The following GALNT13 variants were observed in gnomAD, a reference collection of about 807,000 sequenced individuals.
GALNT13 encodes UDP-GalNAc:polypeptide N-acetylgalactosaminyltransferase 13.
In GALNT13, 28 loss-of-function variants were observed where a neutral mutation model predicts 64.2. The observed-to-expected ratio is 0.44, with a 90% confidence interval of 0.32 to 0.60. The LOEUF (loss-of-function observed/expected upper bound fraction) is 0.60. Among genes scored for constraint, GALNT13 ranks in the 20% least tolerant of loss-of-function variants. The probability of loss-of-function intolerance (pLI) is 0.05; values close to 1 mark genes in which losing one functional copy is unlikely to be tolerated. For synonymous variants in GALNT13, 214 were observed against 224.6 expected (o/e 0.95, Z 0.42); for missense variants, 577 against 669.8 (o/e 0.86, Z 1.53).
the GALNT13 span, among the ~76,000 whole-genome samples, chr2:153,198,945 T>C: frequency 6.6e-6 from 1 of 152,186 alleles, no homozygotes; most frequent in Non-Finnish European, 1.5e-5. Flanking sequence ...TTCTAAGTGC[T>C]CTTTTAGTGC....
chr2:153,950,291 A>T (rs1217202306), intron 3 of GALNT13, among the ~76,000 whole-genome samples: 4 of 152,042 alleles, frequency 2.6e-5, no homozygotes, highest in Admixed American at 2.6e-4. Flanking sequence ...CAATAGAAAA[A>T]AATGGGCAAC....
At chr2:153,443,783 C>G in the GALNT13 span, among the ~76,000 whole-genome samples, 3 of 152,052 alleles carry the variant, frequency 2.0e-5, no homozygotes, top group East Asian at 3.9e-4. Flanking sequence ...ATTAGCCGGG[C>G]GTGATGGTGG....
chr2:153,823,984 G>A, the GALNT13 span, among the ~76,000 whole-genome samples: 1 of 152,042 alleles, frequency 6.6e-6, no homozygotes, highest in African/African-American at 2.4e-5. Context: ...CTCAAAAGAA[G>A]GCATGCAAGT....
chr2:154,109,173 G>A (rs1011522345), intron 3 of GALNT13, among the ~76,000 whole-genome samples: 1 of 151,882 alleles, frequency 6.6e-6, no homozygotes, highest in Non-Finnish European at 1.5e-5. Flanking sequence ...TCATGAACAT[G>A]GAATATGTTT....
the GALNT13 span, among the ~76,000 whole-genome samples, chr2:153,765,665 G>A: frequency 2.0e-5 from 3 of 152,130 alleles, no homozygotes; most frequent in Non-Finnish European, 2.9e-5. Context: ...GTTTTTAAAT[G>A]TGAAAAGGGA....
the GALNT13 span, among the ~76,000 whole-genome samples, chr2:153,688,393 C>G: frequency 6.6e-6 from 1 of 151,956 alleles, no homozygotes; most frequent in Non-Finnish European, 1.5e-5. Context: ...ATTAGACTCT[C>G]AATATCACTA....
chr2:153,822,018 T>C, the GALNT13 span, among the ~76,000 whole-genome samples: 1 of 151,934 alleles, frequency 6.6e-6, no homozygotes, highest in African/African-American at 2.4e-5. Flanking sequence ...ACACAACCTC[T>C]CAAGACCGAA....
the GALNT13 span, among the ~76,000 whole-genome samples, chr2:153,546,368 A>G: frequency 1.3e-5 from 2 of 152,230 alleles, no homozygotes; most frequent in Non-Finnish European, 1.5e-5. Flanking sequence ...GATTCTGAAA[A>G]AAGCCTCACA....
chr2:153,926,810 G>T (rs1690171213), intron 2 of GALNT13, among the ~76,000 whole-genome samples: 1 of 151,830 alleles, frequency 6.6e-6, no homozygotes, highest in South Asian at 2.1e-4. Flanking sequence ...CACTATTATT[G>T]GTGATTTTCT....
chr2:153,609,088 T>TTTG, the GALNT13 span, among the ~76,000 whole-genome samples: 2 of 150,474 alleles, frequency 1.3e-5, no homozygotes, highest in African/African-American at 2.5e-5. Context: ...AGCTAAGTTT[T>TTTG]TTTGTTTGTT....
the GALNT13 span, among the ~76,000 whole-genome samples, chr2:153,618,859 A>G: frequency 6.6e-6 from 1 of 151,730 alleles, no homozygotes; most frequent in Non-Finnish European, 1.5e-5. Context: ...TTTGGGTTTC[A>G]ATTGGCATGG....
the GALNT13 span, among the ~76,000 whole-genome samples, chr2:153,137,057 G>A: frequency 6.6e-6 from 1 of 151,990 alleles, no homozygotes; most frequent in Non-Finnish European, 1.5e-5. Flanking sequence ...AAATTTCCAA[G>A]AAAAGAATCT....
At chr2:154,299,073 T>C (rs1693266773) in intron 8 of GALNT13, among the ~76,000 whole-genome samples, 2 of 147,848 alleles carry the variant, frequency 1.4e-5, no homozygotes, top group East Asian at 3.9e-4. Context: ...AAAATATATA[T>C]TTTATATTAT....
chr2:153,434,189 A>G, the GALNT13 span, among the ~76,000 whole-genome samples: 1 of 152,196 alleles, frequency 6.6e-6, no homozygotes, highest in Non-Finnish European at 1.5e-5. Context: ...ATAGTATTCC[A>G]TGGTGTATAT....
chr2:153,776,174 A>T, the GALNT13 span, among the ~76,000 whole-genome samples: 1 of 152,358 alleles, frequency 6.6e-6, no homozygotes, highest in South Asian at 2.1e-4. Flanking sequence ...TCAAAAAACA[A>T]ATAATGAAAT....
the GALNT13 span, among the ~76,000 whole-genome samples, chr2:153,100,248 A>G: frequency 1.3e-5 from 2 of 152,238 alleles, no homozygotes; most frequent in African/African-American, 4.8e-5. Context: ...TCTCCACAAA[A>G]GATGGCAGAA....
At chr2:153,748,742 G>A in the GALNT13 span, among the ~76,000 whole-genome samples, 6 of 151,912 alleles carry the variant, frequency 3.9e-5, no homozygotes, top group African/African-American at 7.2e-5. Context: ...ACTTTGTTGA[G>A]TGTATCCTTT....
rs1039453861 is a variant in GALNT13 at position 154,017,950 on chromosome 2, C to T, written c.142+73311C>T. Reference sequence around the variant, plus strand: ...TGGAAATAGTTCTTTTTGACACGTCCACTGCTTACTTTTTGTTATTATCCT... The same window carrying T: ...TGGAAATAGTTCTTTTTGACACGTCTACTGCTTACTTTTTGTTATTATCCT... On this transcript the variant is annotated intron_variant, in intron 3 of 12. Coordinates refer to ENST00000392825, the MANE Select transcript of GALNT13 (RefSeq NM_052917.4). Among the ~76,000 whole-genome samples the T allele has an allele frequency of 1.5e-4, 23 of 152,210 alleles. 2 individuals are homozygous for T. Among genetic ancestry groups the T allele is most frequent in the Admixed American group, 1.5e-3 (23 of 15,280 alleles).
intron 3 of GALNT13, among the ~76,000 whole-genome samples, chr2:154,031,767 A>C (rs1353952812): frequency 6.6e-6 from 1 of 152,014 alleles, no homozygotes; most frequent in Non-Finnish European, 1.5e-5. Context: ...TATAAGGTGA[A>C]AATGAATAGA....
Sources: allele counts gnomAD v4.1 joint callset (sites outside exome capture counted in the v4.1 genomes callset), GRCh38; gene constraint gnomAD v4.1.1; transcripts MANE v1.5; gene names NCBI Gene and HGNC (gene_info 2026-07-23, HGNC 2026-07-21).